The following FRY variants were observed in gnomAD, a reference collection of about 807,000 sequenced individuals.
FRY encodes FRY microtubule binding protein, also known as protein furry homolog.
Under a neutral mutation model 348.4 loss-of-function variants are expected in FRY, and 128 were observed. The ratio of observed to expected loss-of-function variants is 0.37; its 90% CI spans 0.32 to 0.43. The LOEUF is 0.43. Ranked by LOEUF, FRY falls within the 20% of genes least tolerant of loss-of-function variation. The pLI, the probability that FRY is intolerant of heterozygous loss-of-function variation, is 1.00. For synonymous variants in FRY, 1,370 were observed against 1,374.7 expected (o/e 1.00, Z 0.08); for missense variants, 2,736 against 3,695.2 (o/e 0.74, Z 6.73).
intron 1 of FRY, among the ~76,000 whole-genome samples, chr13:32,076,770 G>T (rs1196501636): frequency 6.6e-6 from 1 of 151,968 alleles, no homozygotes; most frequent in East Asian, 2.0e-4. Context: ...TGACATCTGG[G>T]AGTCTACAGT....
At chr13:32,248,417 G>A (rs768420786) in intron 48 of FRY, among the ~76,000 whole-genome samples, 12 of 152,068 alleles carry the variant, frequency 7.9e-5, no homozygotes, top group Non-Finnish European at 1.6e-4. Flanking sequence ...AGCATTAGGA[G>A]AAATACCTAA....
At position 32,294,385 on chromosome 13, in the gene FRY, G is replaced by T; in HGVS notation, c.8598G>T (p.Arg2866Ser). The stretch of plus-strand genomic sequence containing the variant: ...TTAAATAGCTGCTGAATATGTCCAG[G>T]GAACTGAGTGACCTAAAGAAACACC... The part of the protein sequence containing the change: ...SSMPELLNMS[R>S]ELSDLKKHLK... The change falls in exon 60 of 61, where the codon AGG becomes AGT. Residue 2866 changes from arginine to serine, a missense_variant. Arg to Ser is a moderately radical substitution (Grantham distance 110). Around this residue, in one of 9 missense-constraint regions of FRY, gnomAD observed 157 missense variants for 215.2 expected, o/e 0.73. Coordinates refer to ENST00000542859, the MANE Select transcript of FRY (RefSeq NM_023037.3). The T allele has an allele frequency of 6.2e-7, 1 of 1,613,100 alleles. No homozygotes were observed. The highest frequency in any genetic ancestry group is 8.5e-7 in the Non-Finnish European group (1 of 1,179,166).
chr13:32,122,289 A>G (rs1262515025), intron 4 of FRY, among the ~76,000 whole-genome samples: 1 of 151,858 alleles, frequency 6.6e-6, no homozygotes, highest in Admixed American at 6.6e-5. Context: ...TAAAAATACA[A>G]AAAATTAGCT....
chr13:32,090,351 A>AG (rs1491148829), intron 2 of FRY, among the ~76,000 whole-genome samples: 1 of 46,414 alleles, frequency 2.2e-5, no homozygotes, highest in African/African-American at 1.1e-4. Flanking sequence ...ACTCCATCTC[A>AG]AAAAAAAAAA....
rs762062557 is a variant in FRY at position 32,225,969 on chromosome 13, A to G, written c.5201A>G (p.Tyr1734Cys). 15 of 1,613,496 alleles carry G rather than the reference A, an allele frequency of 9.3e-6. No individual in the cohort carries two copies. Among genetic ancestry groups the G allele is most frequent in the Non-Finnish European group, 1.0e-5 (12 of 1,179,548 alleles). The change falls in exon 39 of 61, where the codon TAT becomes TGT. Residue 1734 changes from tyrosine to cysteine, a missense_variant. Physicochemically the swap from Tyr to Cys is radical, Grantham distance 194. Around this residue, in one of 9 missense-constraint regions of FRY, gnomAD observed 794 missense variants for 977.0 expected, o/e 0.81. Transcript: ENST00000542859. ...VQPAYQPEYL[Y>C]TGGFDFLRED... is the part of the protein sequence containing the mutation. The stretch of plus-strand genomic sequence containing the variant: ...CCAGCCTACCAACCTGAATATCTCT[A>G]TACAGGTAACAGAGAAGGACTGGTA...
intron 2 of FRY, among the ~76,000 whole-genome samples, chr13:32,087,112 A>G (rs760347232): frequency 1.3e-5 from 2 of 152,250 alleles, no homozygotes; most frequent in Non-Finnish European, 2.9e-5. Context: ...AAAGTAACAC[A>G]AACTATTTTC....
intron 37 of FRY, 79 bp downstream of exon 37, chr13:32,224,464 C>A: frequency 7.9e-7 from 1 of 1,258,726 alleles, no homozygotes; most frequent in Non-Finnish European, 1.1e-6. Flanking sequence ...AAACCTAGTC[C>A]AGGTCCCACC....
rs1447883538 is a variant in FRY at position 32,296,859 on chromosome 13, T to C, written c.*1399T>C. On this transcript the variant is annotated 3_prime_UTR_variant, in exon 61 of 61. Coordinates refer to ENST00000542859, the MANE Select transcript of FRY (RefSeq NM_023037.3). ...ATCAAAACTGTGAGCTTCAACCAAT[T>C]CTCTGTAATCAACCAAAGAGAAAAA... 1 of 152,186 alleles carries C rather than the reference T, an allele frequency of 6.6e-6. No individual in the cohort carries two copies. The highest frequency in any genetic ancestry group is 1.5e-5 in the Non-Finnish European group (1 of 68,046). The allele number at this position is 152,186 out of a possible 1,614,324, so 9.4% of individuals were successfully genotyped here. A position where few individuals can be genotyped will look rare whatever the true frequency, so the allele number is the denominator to read the frequency against.
In FRY at chr13:32,298,707, A is replaced by G. The variant is rs915637259; in HGVS notation, c.*3247A>G. 3 of 152,272 alleles carry G rather than the reference A, an allele frequency of 2.0e-5. No individual in the cohort carries two copies. Among genetic ancestry groups the G allele is most frequent in the African/African-American group, 4.8e-5 (2 of 41,460 alleles). The allele number at this position is 152,272 out of a possible 1,614,324, so 9.4% of individuals were successfully genotyped here. Reference sequence around the variant, plus strand: ...GAGATCTGAATGAAGTGAGGATACAATGGATATCCAAGGAAAAGAGCATTC... The same window carrying G: ...GAGATCTGAATGAAGTGAGGATACAGTGGATATCCAAGGAAAAGAGCATTC... On this transcript the variant is annotated 3_prime_UTR_variant, in exon 61 of 61. Transcript: ENST00000542859.
chr13:32,163,520 AG>A (rs772843897), intron 17 of FRY, among the ~76,000 whole-genome samples: 1 of 152,228 alleles, frequency 6.6e-6, no homozygotes, highest in Non-Finnish European at 1.5e-5. Context: ...AGGCGTCTGC[AG>A]GGAAAAAGTT....
rs1593655276 is a variant in FRY, at chr13:32,136,975, T to C, written c.1179+3T>C. 2 of 1,503,896 alleles carry C rather than the reference T, an allele frequency of 1.3e-6. No individual in the cohort carries two copies. Among genetic ancestry groups the C allele is most frequent in the East Asian group, 4.5e-5 (2 of 44,408 alleles). 93.2% of individuals were successfully genotyped at this position (1,503,896 alleles called of 1,614,324 possible). On this transcript the variant is annotated splice_donor_region_variant and intron_variant, in intron 11 of 60. Coordinates refer to ENST00000542859, the MANE Select transcript of FRY (RefSeq NM_023037.3). ...ACAACTGCTTGTCCAACCTTAAAGTTAGTATTTGTCAGCTCAAAAACGATC... is the reference window on the plus strand; with the variant it reads ...ACAACTGCTTGTCCAACCTTAAAGTCAGTATTTGTCAGCTCAAAAACGATC...
intron 2 of FRY, among the ~76,000 whole-genome samples, chr13:32,091,148 G>A (rs1346282567): frequency 1.3e-5 from 2 of 152,146 alleles, no homozygotes; most frequent in Non-Finnish European, 2.9e-5. Context: ...TGGAATAAAA[G>A]GGGAGAAGTT....
At chr13:32,173,743 A>G (rs770237909) in intron 19 of FRY, among the ~76,000 whole-genome samples, 194 bp downstream of exon 19, 2 of 152,230 alleles carry the variant, frequency 1.3e-5, no homozygotes, top group African/African-American at 2.4e-5. Flanking sequence ...TCTAAAAGCA[A>G]TAGAAAAGAC....
intron 15 of FRY, among the ~76,000 whole-genome samples, chr13:32,156,697 T>C (rs1394471322): frequency 6.6e-6 from 1 of 152,150 alleles, no homozygotes; most frequent in Non-Finnish European, 1.5e-5. Context: ...AGGTATTTAC[T>C]TTTCATTTGT....
intron 55 of FRY, among the ~76,000 whole-genome samples, chr13:32,269,511 T>C (rs1298300048): frequency 1.3e-5 from 2 of 152,036 alleles, no homozygotes; most frequent in Non-Finnish European, 2.9e-5. Flanking sequence ...GCCAACATGG[T>C]GAAACCCCAT....
chr13:32,066,006 C>T (rs565440889), intron 1 of FRY, among the ~76,000 whole-genome samples: 1 of 152,308 alleles, frequency 6.6e-6, no homozygotes, highest in Non-Finnish European at 1.5e-5. Context: ...ATTTTCTCAT[C>T]TACCCACAAT....
chr13:32,286,747 CAAAAAAAAAAAAAAAAAAAAAAAAA>C (rs6144991), intron 58 of FRY, among the ~76,000 whole-genome samples: 34,421 of 78,442 alleles, frequency 0.44, 5,386 homozygotes, highest in Middle Eastern at 0.53. Context: ...GACTCTGTCT[CAAAAAAAAAAAAAAAAAAAAAAAAA>C]AAAAAAAAAA....
At chr13:32,149,642 T>A in intron 13 of FRY, 106 bp from the exon 14 acceptor site, 1 of 727,794 alleles carries the variant, frequency 1.4e-6, no homozygotes. Flanking sequence ...GTGCCCCTCC[T>A]CTTTTAGCCA....
At chr13:32,090,264 C>A (rs1414799453) in intron 2 of FRY, among the ~76,000 whole-genome samples, 1 of 143,880 alleles carries the variant, frequency 7.0e-6, no homozygotes, top group African/African-American at 2.6e-5. Context: ...GGGAGAATGG[C>A]GTGAACCCGG....
Sources: gnomAD v4.1 joint callset for allele counts (sites outside exome capture counted in the v4.1 genomes callset) on GRCh38, gnomAD v4.1.1 for gene constraint, gnomAD v4.1.1 regional missense constraint, MANE v1.5 for transcripts, NCBI Gene and HGNC (gene_info 2026-07-23, HGNC 2026-07-21) for gene names.